GTPBP1: variants seen among roughly 807,000 people sequenced by gnomAD.
GTPBP1 encodes the protein GTP-binding protein 1.
In GTPBP1, 23 loss-of-function variants were observed where a neutral mutation model predicts 62.0. The ratio of observed to expected loss-of-function variants is 0.37; its 90% CI spans 0.27 to 0.53. The LOEUF (loss-of-function observed/expected upper bound fraction) is 0.53. GTPBP1 is among the 20% of genes least tolerant of loss of function. The probability of loss-of-function intolerance (pLI) is 0.89; values close to 1 mark genes in which losing one functional copy is unlikely to be tolerated. For synonymous variants in GTPBP1, 344 were observed against 364.4 expected (o/e 0.94, Z 0.64); for missense variants, 640 against 917.3 (o/e 0.70, Z 3.90).
In GTPBP1 at chr22:38,732,784, C is replaced by T; in HGVS notation, c.*2080C>T. On this transcript the variant is annotated 3_prime_UTR_variant, in exon 12 of 12. Coordinates refer to ENST00000216044, the MANE Select transcript of GTPBP1 (RefSeq NM_004286.5). ...TGATCTCTGCTCACTGCAACCTCCG[C>T]CTGCCAGTTTCAAGTGATTCTCTGC... 6.6e-6 allele frequency: 1 copy of T among 152,434 alleles called. No individual in the cohort carries two copies. The highest frequency in any genetic ancestry group is 1.5e-5 in the Non-Finnish European group (1 of 68,108). 9.4% of individuals were successfully genotyped at this position (152,434 alleles called of 1,614,324 possible). A position where few individuals can be genotyped will look rare whatever the true frequency, so the allele number is the denominator to read the frequency against.
intron 10 of GTPBP1, 40 bp downstream of exon 10, chr22:38,728,201 C>T (rs908274526): frequency 2.1e-6 from 3 of 1,431,052 alleles, no homozygotes; most frequent in South Asian, 2.3e-5. Flanking sequence ...CAGGAAGCAC[C>T]AGGGGCCACT....
At chr22:38,737,627 C>T, downstream of GTPBP1, 1 of 313,032 alleles carries the variant, frequency 3.2e-6, no homozygotes, top group East Asian at 8.9e-5. This position sits in a 1 kb window ranked among gnomAD's most constrained non-coding sequence, Gnocchi z 4.1. Flanking sequence ...ATCCCGCCAA[C>T]CCAATTCCTC....
In GTPBP1 at chr22:38,727,314, C is replaced by T; in HGVS notation, c.1503C>T (p.His501=). ...EFEAEILVLH[H]PTTISPRYQA... is the part of the protein sequence containing the mutation. ...AGGCCGAGATTCTCGTCCTCCACCA[C>T]CCCACCACAATTAGCCCGCGCTACC... The change falls in exon 9 of 12, where the codon CAC becomes CAT. Residue 501 remains histidine, a synonymous_variant. Transcript: ENST00000216044. The surrounding 1 kb of genome is among the most constrained non-coding windows in gnomAD (Gnocchi z 6.5). 6.3e-7 allele frequency: 1 copy of T among 1,592,936 alleles called. No individual in the cohort carries two copies. Among genetic ancestry groups the T allele is most frequent in the Non-Finnish European group, 8.6e-7 (1 of 1,169,362 alleles).
chr22:38,725,270 A>G (rs1451794980), intron 6 of GTPBP1: 1 of 152,294 alleles, frequency 6.6e-6, no homozygotes, highest in Non-Finnish European at 1.5e-5. Flanking sequence ...AAGGATTTTA[A>G]TTCAGTCACC....
downstream of GTPBP1, chr22:38,736,166 G>T: frequency 8.8e-7 from 1 of 1,135,794 alleles, no homozygotes; most frequent in Non-Finnish European, 1.3e-6. Flanking sequence ...CTCCTCTCTT[G>T]TGCTCCTAGA....
At chr22:38,742,160 A>T, downstream of GTPBP1, 2 of 1,096,710 alleles carry the variant, frequency 1.8e-6, no homozygotes, top group Non-Finnish European at 2.5e-6. Context: ...AAAAAAAAAA[A>T]GAAAAAAAGA....
intron 4 of GTPBP1, 43 bp from the exon 5 acceptor site, chr22:38,721,699 T>G: frequency 6.3e-7 from 1 of 1,577,746 alleles, no homozygotes; most frequent in Non-Finnish European, 8.7e-7. Context: ...AGCAGCAATC[T>G]CTTTCTCTCT....
At chr22:38,740,333 C>T, downstream of GTPBP1, 1 of 1,597,648 alleles carries the variant, frequency 6.3e-7, no homozygotes. This position sits in a 1 kb window ranked among gnomAD's most constrained non-coding sequence, Gnocchi z 4.8. Context: ...AGCTCTGCTT[C>T]AGTGCCAGAG....
rs543931649 is a variant in GTPBP1 at position 38,710,573 on chromosome 22, G to A, written c.304+1617G>A. ...TGCGTATCAAGAAAGGGAGAGAGTT[G>A]ATTAGCATTATCAAGTGCTACAGAG... is the stretch of plus-strand genomic sequence containing the variant. On this transcript the variant is annotated intron_variant, in intron 2 of 11. Transcript: ENST00000216044. Among the ~76,000 whole-genome samples the A allele has an allele frequency of 2.0e-5, 3 of 152,168 alleles. No homozygotes were observed. In the East Asian group the frequency reaches 5.8e-4, roughly 29 times the overall value.
downstream of GTPBP1, chr22:38,735,687 CTT>C (rs1160449150): frequency 1.8e-5 from 3 of 165,086 alleles, no homozygotes; most frequent in African/African-American, 7.2e-5. Flanking sequence ...CAAATACACA[CTT>C]TTGTCGAAGG....
In GTPBP1 at chr22:38,716,525, G is replaced by T; in HGVS notation, c.486-127G>T. 1 of 679,654 alleles carries T rather than the reference G, an allele frequency of 1.5e-6. No homozygotes were observed. The highest frequency in any genetic ancestry group is 2.6e-6 in the Non-Finnish European group (1 of 391,854). 42.1% of individuals were successfully genotyped at this position (679,654 alleles called of 1,614,324 possible). On this transcript the variant is annotated intron_variant, in intron 3 of 11. Transcript: ENST00000216044. This position sits in a 1 kb window ranked among gnomAD's most constrained non-coding sequence, Gnocchi z 5.2. ...CACTGTGCTCCTCCGGCTCAAGGAGGAGCTGTGAGCCGGAGGGGATCGGGG... is the reference window on the plus strand; with the variant it reads ...CACTGTGCTCCTCCGGCTCAAGGAGTAGCTGTGAGCCGGAGGGGATCGGGG...
chr22:38,739,328 A>G, downstream of GTPBP1: 1 of 1,612,764 alleles, frequency 6.2e-7, no homozygotes, highest in Non-Finnish European at 8.5e-7. The surrounding 1 kb of genome is among the most constrained non-coding windows in gnomAD (Gnocchi z 6.7). Flanking sequence ...GAGCGAGGAA[A>G]GCAGAGCACG....
chr22:38,723,320 G>A, intron 5 of GTPBP1: 3 of 838,692 alleles, frequency 3.6e-6, no homozygotes, highest in Non-Finnish European at 4.2e-6. Flanking sequence ...GACAGCAGGT[G>A]CATGGTATGA....
downstream of GTPBP1, chr22:38,742,607 C>T: frequency 6.4e-7 from 1 of 1,561,476 alleles, no homozygotes. Context: ...GATGATAGTG[C>T]TTCCCAAAGA....
intron 4 of GTPBP1, among the ~76,000 whole-genome samples, chr22:38,718,299 C>T (rs552895074): frequency 1.3e-5 from 2 of 152,218 alleles, no homozygotes; most frequent in East Asian, 1.9e-4. Flanking sequence ...AGCATTTTTC[C>T]AGCTGAGCTA....
chr22:38,711,434 G>C (rs2092638942), intron 2 of GTPBP1, among the ~76,000 whole-genome samples: 1 of 152,144 alleles, frequency 6.6e-6, no homozygotes, highest in Admixed American at 6.5e-5. Context: ...TAGTAGTGAA[G>C]ATTAAATGAG....
chr22:38,736,686 T>C (rs568528938), downstream of GTPBP1: 1 of 228,408 alleles, frequency 4.4e-6, no homozygotes, highest in African/African-American at 2.3e-5. Context: ...TAGATGCTGA[T>C]GTGGGGCACA....
At chr22:38,740,210 A>G, downstream of GTPBP1, 1 of 1,476,150 alleles carries the variant, frequency 6.8e-7, no homozygotes, top group Non-Finnish European at 9.0e-7. This position sits in a 1 kb window ranked among gnomAD's most constrained non-coding sequence, Gnocchi z 4.8. Context: ...GCCCCAGGAC[A>G]CGTCGTCTCA....
chr22:38,740,334 A>C, downstream of GTPBP1: 1 of 1,597,126 alleles, frequency 6.3e-7, no homozygotes, highest in Non-Finnish European at 8.5e-7. This position sits in a 1 kb window ranked among gnomAD's most constrained non-coding sequence, Gnocchi z 4.8. Flanking sequence ...GCTCTGCTTC[A>C]GTGCCAGAGC....
Sources: gnomAD v4.1 joint callset for allele counts (sites outside exome capture counted in the v4.1 genomes callset) on GRCh38, gnomAD v4.1.1 for gene constraint, Gnocchi (gnomAD v3.1) non-coding constraint, MANE v1.5 for transcripts, NCBI Gene and HGNC (gene_info 2026-07-23, HGNC 2026-07-21) for gene names.